SLC25A21: variants seen among roughly 807,000 people sequenced by gnomAD.
The protein encoded by SLC25A21 is solute carrier family 25 member 21.
Under a neutral mutation model 43.8 loss-of-function variants are expected in SLC25A21, and 47 were observed. The ratio of observed to expected loss-of-function variants is 1.07; its 90% confidence interval spans 0.85 to 1.37. The LOEUF is 1.37. Ranked by LOEUF, SLC25A21 falls within the 40% of genes most tolerant of loss-of-function variation. SLC25A21 has a pLI of 0.00. For synonymous variants in SLC25A21, 131 were observed against 121.3 expected, an observed-to-expected ratio of 1.08 and a Z score of -0.52; for missense variants, 352 against 350.2, an observed-to-expected ratio of 1.00 and a Z score of -0.04.
At chr14:36,827,638 A>T (rs1444326193) in intron 2 of SLC25A21, among the ~76,000 whole-genome samples, 1 of 152,234 alleles carries the variant, frequency 6.6e-6, no homozygotes, top group East Asian at 1.9e-4. Flanking sequence ...TGTAATGCCA[A>T]GATAACTTTC....
intron 7 of SLC25A21, among the ~76,000 whole-genome samples, chr14:36,706,080 A>C (rs1369107543): frequency 6.6e-6 from 1 of 152,194 alleles, no homozygotes; most frequent in Non-Finnish European, 1.5e-5. Context: ...GAACACATAA[A>C]ATCAATGACT....
At chr14:37,011,888 A>AT (rs1960741513) in intron 1 of SLC25A21, among the ~76,000 whole-genome samples, 1 of 151,906 alleles carries the variant, frequency 6.6e-6, no homozygotes, top group South Asian at 2.1e-4. Flanking sequence ...ATCCCTTTTT[A>AT]TAGACTTTTG....
intron 7 of SLC25A21, among the ~76,000 whole-genome samples, chr14:36,709,445 C>G (rs750153261): frequency 6.6e-6 from 1 of 152,214 alleles, no homozygotes; most frequent in African/African-American, 2.4e-5. Context: ...TCATCCAGAA[C>G]CACAGTGTTT....
intron 3 of SLC25A21, among the ~76,000 whole-genome samples, chr14:36,735,477 T>G (rs1029205943): frequency 3.3e-4 from 18 of 54,772 alleles, no homozygotes; most frequent in Non-Finnish European, 4.9e-4. Context: ...GTCCATAACA[T>G]GTCCCTAATT....
intron 1 of SLC25A21, among the ~76,000 whole-genome samples, chr14:37,137,233 G>C (rs577089814): frequency 6.6e-6 from 1 of 152,114 alleles, no homozygotes; most frequent in South Asian, 2.1e-4. Flanking sequence ...TCCTGACCTC[G>C]TGATCCGCCC....
intron 1 of SLC25A21, among the ~76,000 whole-genome samples, chr14:37,001,969 G>T (rs1960499113): frequency 6.6e-6 from 1 of 152,068 alleles, no homozygotes; most frequent in Non-Finnish European, 1.5e-5. Context: ...TACTTGGAAA[G>T]AAAATGTGGC....
intron 1 of SLC25A21, among the ~76,000 whole-genome samples, chr14:37,036,125 C>T (rs753885422): frequency 2.0e-5 from 3 of 152,172 alleles, no homozygotes; most frequent in Non-Finnish European, 4.4e-5. Flanking sequence ...AGCAAAGGTG[C>T]CTGGCCAATG....
intron 1 of SLC25A21, among the ~76,000 whole-genome samples, chr14:36,928,305 T>A (rs1892187860): frequency 6.6e-6 from 1 of 152,188 alleles, no homozygotes; most frequent in South Asian, 2.1e-4. Context: ...ACTTAAGGAA[T>A]AATGCCAGAA....
At chr14:37,059,478 C>T (rs137889458) in intron 1 of SLC25A21, among the ~76,000 whole-genome samples, 7 of 152,308 alleles carry the variant, frequency 4.6e-5, no homozygotes, top group East Asian at 1.9e-4. Context: ...TTCTCCCCTT[C>T]GTCTGAGACA....
intron 3 of SLC25A21, among the ~76,000 whole-genome samples, chr14:36,740,744 A>G (rs979667717): frequency 4.0e-5 from 6 of 151,858 alleles, no homozygotes; most frequent in Non-Finnish European, 5.9e-5. Context: ...ATTTCCTATG[A>G]GTTCCAGCTT....
At chr14:36,986,347 C>T (rs2138706634) in intron 1 of SLC25A21, among the ~76,000 whole-genome samples, 1 of 152,220 alleles carries the variant, frequency 6.6e-6, no homozygotes, top group East Asian at 1.9e-4. Flanking sequence ...TTTCCATTAT[C>T]CTAAGTCTAT....
At chr14:36,815,630 C>A (rs937937489) in intron 2 of SLC25A21, among the ~76,000 whole-genome samples, 11 of 152,140 alleles carry the variant, frequency 7.2e-5, no homozygotes, top group South Asian at 2.1e-4. Context: ...TGCATATGAT[C>A]ATGCATCCCT....
chr14:36,796,499 G>A (rs1230977514), intron 3 of SLC25A21, among the ~76,000 whole-genome samples: 1 of 150,916 alleles, frequency 6.6e-6, no homozygotes, highest in Non-Finnish European at 1.5e-5. Context: ...AACTTTTGTT[G>A]AATTCCATCT....
In SLC25A21 at chr14:37,162,791, G is replaced by A. The variant is rs533851052; in HGVS notation, c.70+9490C>T. 1.9e-3 allele frequency among the ~76,000 whole-genome samples: 282 copies of A among 152,208 alleles called. 1 individual carries two copies. Among genetic ancestry groups the A allele is most frequent in the Admixed American group, 3.9e-3 (60 of 15,298 alleles). Reference sequence around the variant, plus strand: ...TTTGACCCAGCCATCCCATTACTGGGTATATACCCAAAGGACTATAAATCA... The same window carrying A: ...TTTGACCCAGCCATCCCATTACTGGATATATACCCAAAGGACTATAAATCA... On this transcript the variant is annotated intron_variant, in intron 1 of 9. Coordinates refer to ENST00000331299, the MANE Select transcript of SLC25A21 (RefSeq NM_030631.4).
intron 1 of SLC25A21, among the ~76,000 whole-genome samples, chr14:37,135,734 G>C (rs1963469674): frequency 6.6e-6 from 1 of 152,178 alleles, no homozygotes; most frequent in African/African-American, 2.4e-5. Flanking sequence ...AAATAGTAGA[G>C]TGCTACAATC....
intron 1 of SLC25A21, among the ~76,000 whole-genome samples, chr14:36,974,939 T>C (rs1041243557): frequency 6.6e-6 from 1 of 152,182 alleles, no homozygotes; most frequent in South Asian, 2.1e-4. Flanking sequence ...GTCCTCTGAC[T>C]CCTTGACCTA....
At chr14:37,088,402 A>G (rs1962524477) in intron 1 of SLC25A21, among the ~76,000 whole-genome samples, 1 of 152,236 alleles carries the variant, frequency 6.6e-6, no homozygotes, top group Admixed American at 6.5e-5. Context: ...ACTGGGCAGC[A>G]ATTAAAGAGA....
At chr14:36,913,467 G>A (rs1891744871) in intron 1 of SLC25A21, among the ~76,000 whole-genome samples, 1 of 152,068 alleles carries the variant, frequency 6.6e-6, no homozygotes. Flanking sequence ...GTAAAGACAG[G>A]GTCTCATTAT....
intron 3 of SLC25A21, among the ~76,000 whole-genome samples, chr14:36,808,016 A>G (rs1408987088): frequency 1.3e-5 from 2 of 152,266 alleles, no homozygotes; most frequent in Non-Finnish European, 2.9e-5. Context: ...TGATTGTAAG[A>G]TGATACCTGG....
Sources: allele counts gnomAD v4.1 joint callset (sites outside exome capture counted in the v4.1 genomes callset), GRCh38; gene constraint gnomAD v4.1.1; transcripts MANE v1.5; gene names NCBI Gene and HGNC (gene_info 2026-07-23, HGNC 2026-07-21).